PCLO: variants seen among roughly 807,000 people sequenced by gnomAD.
PCLO encodes protein piccolo.
Under a neutral mutation model 427.5 loss-of-function variants are expected in PCLO, and 82 were observed. That is an observed-to-expected ratio of 0.19 (90% CI 0.16 to 0.23). The LOEUF is 0.23. Ranked by LOEUF, PCLO falls within the 10% of genes least tolerant of loss-of-function variation. The pLI is 1.00. For synonymous variants in PCLO, 2,357 were observed against 2,155.4 expected, an observed-to-expected ratio of 1.09 and a Z score of -2.59; for missense variants, 6,239 against 6,115.9, an observed-to-expected ratio of 1.02 and a Z score of -0.67.
At chr7:82,910,128 C>A (rs1368576172) in intron 7 of PCLO, among the ~76,000 whole-genome samples, 1 of 144,902 alleles carries the variant, frequency 6.9e-6, no homozygotes, top group Admixed American at 7.5e-5. Flanking sequence ...CTAGAAGGAA[C>A]AAGGCTCCTC....
In PCLO at chr7:82,966,387, G is replaced by A. The variant is rs751754924; in HGVS notation, c.3401C>T (p.Ala1134Val). ...KMPPAPSGPK[A>V]SPMPVPTESS... ...TTCTGTAGGAACAGGCATAGGAGAT[G>A]CTTTGGGTCCTGATGGTGCAGGTGG... Residue 1134 changes from alanine to valine, a missense_variant, in exon 4 of 25, where the codon GCA becomes GTA. Coordinates refer to ENST00000333891, the MANE Select transcript of PCLO (RefSeq NM_033026.6). The A allele has an allele frequency of 5.0e-6, 8 of 1,613,754 alleles. No homozygotes were observed. The highest frequency in any genetic ancestry group is 5.9e-6 in the Non-Finnish European group (7 of 1,179,744).
At chr7:82,940,242 G>T (rs1276741742) in intron 6 of PCLO, among the ~76,000 whole-genome samples, 1 of 152,006 alleles carries the variant, frequency 6.6e-6, no homozygotes, top group African/African-American at 2.4e-5. Flanking sequence ...ACCAGTAGAG[G>T]TTTTTCTAAA....
chr7:83,114,995 G>A (rs1791096509), intron 3 of PCLO, among the ~76,000 whole-genome samples: 1 of 151,884 alleles, frequency 6.6e-6, no homozygotes, highest in Admixed American at 6.6e-5. Context: ...TTTTTAAAGT[G>A]GAGAATGGTT....
At chr7:83,077,936 CAATT>C (rs1338032082) in intron 3 of PCLO, among the ~76,000 whole-genome samples, 12 of 152,048 alleles carry the variant, frequency 7.9e-5, no homozygotes, top group Admixed American at 7.2e-4. Flanking sequence ...ATCCTCTCAA[CAATT>C]GATTGATGGA....
At chr7:82,770,861 A>G (rs1478706058) in intron 22 of PCLO, among the ~76,000 whole-genome samples, 1 of 151,868 alleles carries the variant, frequency 6.6e-6, no homozygotes, top group Non-Finnish European at 1.5e-5. Context: ...TTTGCATTGA[A>G]TTTTATCTTC....
chr7:82,788,308 A>T (rs1449615297), intron 22 of PCLO, among the ~76,000 whole-genome samples: 1 of 148,556 alleles, frequency 6.7e-6, no homozygotes, highest in African/African-American at 2.4e-5. Context: ...TATGATTTAA[A>T]CTTAATAATC....
Position 82,955,843 on chromosome 7 carries a change from G to A in PCLO, c.5110C>T (p.Leu1704=). 1 of 1,613,874 alleles carries A rather than the reference G, an allele frequency of 6.2e-7. No homozygotes were observed. The highest frequency in any genetic ancestry group is 1.1e-5 in the South Asian group (1 of 91,080). ...GACCTATCTTCAGGTGAGTCTGTCA[G>A]GCTTTCCATTTCCAATTCTGGCTCT... ...DEEPELEMES[L]TDSPEDRSRG... Residue 1704 remains leucine (L), a synonymous_variant, in exon 5 of 25, where the codon CTG becomes TTG. Transcript: ENST00000333891.
intron 6 of PCLO, among the ~76,000 whole-genome samples, chr7:82,945,684 AG>A (rs1233241102): frequency 2.0e-5 from 3 of 152,220 alleles, no homozygotes; most frequent in Non-Finnish European, 2.9e-5. Context: ...TCCTAGTGGT[AG>A]GAAGTCAAGC....
rs1792525831 is a variant in PCLO at position 82,847,182 on chromosome 7, T to C, written c.13720A>G (p.Ile4574Val). The C allele has an allele frequency of 6.2e-7, 1 of 1,605,956 alleles. No individual in the cohort carries two copies. Among genetic ancestry groups the C allele is most frequent in the African/African-American group, 1.3e-5 (1 of 74,916 alleles). ...TSKTYEEVQSIISQQSGEAEI... is the reference protein window; with the variant it reads ...TSKTYEEVQSVISQQSGEAEI... ...GCTTCCCCACTTTGCTGACTAATGA[T>C]ACTCTGAACTTCTTCATATGTTTTA... Residue 4574 changes from isoleucine to valine, a missense_variant, in exon 11 of 25, where the codon ATC becomes GTC. Ile to Val is a conservative substitution (Grantham distance 29). This residue lies in a region of PCLO where 877 missense variants were observed against 925.5 expected (regional missense o/e 0.95). Coordinates refer to ENST00000333891, the MANE Select transcript of PCLO (RefSeq NM_033026.6).
intron 21 of PCLO, 72 bp from the exon 22 acceptor site, chr7:82,801,663 A>G: frequency 1.1e-6 from 1 of 893,246 alleles, no homozygotes; most frequent in Non-Finnish European, 1.8e-6. Flanking sequence ...AAATTTGCAT[A>G]AATAAAATGA....
intron 3 of PCLO, among the ~76,000 whole-genome samples, chr7:83,024,849 G>A (rs921371473): frequency 1.2e-4 from 18 of 152,064 alleles, no homozygotes; most frequent in Admixed American, 2.6e-4. Context: ...GGGGTACACT[G>A]ACACCTCACA....
At chr7:82,817,301 A>T (rs1791697251) in intron 20 of PCLO, among the ~76,000 whole-genome samples, 1 of 152,168 alleles carries the variant, frequency 6.6e-6, no homozygotes, top group African/African-American at 2.4e-5. Flanking sequence ...TGTTTTTATT[A>T]ATCTTGTACA....
At chr7:83,079,411 G>T (rs542511690) in intron 3 of PCLO, among the ~76,000 whole-genome samples, 4 of 152,148 alleles carry the variant, frequency 2.6e-5, no homozygotes, top group Admixed American at 2.0e-4. Context: ...TATTCAAGGG[G>T]TAGAAATAAC....
intron 1 of PCLO, 28 bp from the exon 2 acceptor site, chr7:83,156,420 ATC>A: frequency 2.3e-5 from 28 of 1,222,216 alleles, no homozygotes; most frequent in Non-Finnish European, 3.1e-5. Context: ...AAAAAAAAAA[ATC>A]AAGTGAAAAT....
chr7:82,944,999 G>A (rs991188851), intron 6 of PCLO, among the ~76,000 whole-genome samples: 5 of 152,094 alleles, frequency 3.3e-5, no homozygotes, highest in African/African-American at 1.2e-4. Context: ...TCATTAAAAT[G>A]TACACTTCTT....
chr7:82,777,727 C>G (rs938913865), intron 22 of PCLO, among the ~76,000 whole-genome samples: 2 of 152,164 alleles, frequency 1.3e-5, no homozygotes, highest in South Asian at 2.1e-4. Context: ...GAAACTGGAC[C>G]CCTTCCTTAC....
chr7:83,091,540 A>C (rs1241219568), intron 3 of PCLO, among the ~76,000 whole-genome samples: 1 of 152,156 alleles, frequency 6.6e-6, no homozygotes, highest in African/African-American at 2.4e-5. Context: ...GACCAAAATG[A>C]TTGTGAGAAC....
At chr7:82,914,336 A>C (rs530691993) in intron 7 of PCLO, 1 of 473,766 alleles carries the variant, frequency 2.1e-6, no homozygotes, top group Admixed American at 3.8e-5. Context: ...ATTTTTAAAA[A>C]TGAAAGAAAC....
intron 10 of PCLO, among the ~76,000 whole-genome samples, chr7:82,858,466 GAAAA>G (rs1792864134): frequency 6.6e-6 from 1 of 151,986 alleles, no homozygotes; most frequent in Non-Finnish European, 1.5e-5. Flanking sequence ...CATTGGGAAA[GAAAA>G]AGAAAGAAAA....
Sources: gnomAD v4.1 joint callset for allele counts (sites outside exome capture counted in the v4.1 genomes callset) on GRCh38, gnomAD v4.1.1 for gene constraint, gnomAD v4.1.1 regional missense constraint, MANE v1.5 for transcripts, NCBI Gene and HGNC (gene_info 2026-07-23, HGNC 2026-07-21) for gene names.